The following SPOCK1 variants were observed in gnomAD, a reference collection of about 807,000 sequenced individuals.
The protein encoded by SPOCK1 is SPARC (osteonectin), cwcv and kazal like domains proteoglycan 1.
In SPOCK1, 23 loss-of-function variants were observed where a neutral mutation model predicts 55.3. The ratio of observed to expected loss-of-function variants is 0.42; its 90% CI spans 0.30 to 0.59. The LOEUF (loss-of-function observed/expected upper bound fraction) is 0.59. SPOCK1 is among the 20% of genes least tolerant of loss of function. The pLI is 0.22. For missense variants in SPOCK1, 499 were observed against 552.5 expected (o/e 0.90, Z 0.97); for synonymous variants, 226 against 221.0 (o/e 1.02, Z -0.20).
rs752471075 is a variant in SPOCK1, at chr5:136,978,769, C to T, written c.1205G>A (p.Arg402Gln). 3.7e-6 allele frequency: 6 copies of T among 1,614,054 alleles called. No individual in the cohort carries two copies. The highest frequency in any genetic ancestry group is 1.3e-5 in the African/African-American group (1 of 75,014). Reference protein sequence around the residue: ...VVLLDDLEYERELGPKDKEGK... With the variant: ...VVLLDDLEYEQELGPKDKEGK... ...CTCTTTGTCCTTTGGTCCCAGCTCCCGTTCATATTCTAGGTCATCCAGCAG... is the reference window on the plus strand; with the variant it reads ...CTCTTTGTCCTTTGGTCCCAGCTCCTGTTCATATTCTAGGTCATCCAGCAG... Residue 402 changes from arginine (R) to glutamine (Q), a missense_variant, in exon 11 of 11, where the codon CGG becomes CAG. Transcript: ENST00000394945.
rs372408686 is a variant in SPOCK1 at position 137,233,667 on chromosome 5, A to G, written c.232+33343T>C. On this transcript the variant is annotated intron_variant, in intron 3 of 10. Transcript: ENST00000394945. ...TTTCTTTGGAGTAATTATACATGAT[A>G]TTAACTTCAATTTTCACATATTCAT... Among the ~76,000 whole-genome samples, 13 of 140,864 alleles carry G rather than the reference A, an allele frequency of 9.2e-5. 1 individual carries two copies. The highest frequency in any genetic ancestry group is 3.6e-4 in the African/African-American group (13 of 36,088). 92.4% of individuals were successfully genotyped at this position (140,864 alleles called of 152,430 possible). A position where few individuals can be genotyped will look rare whatever the true frequency, so the allele number is the denominator to read the frequency against.
intron 3 of SPOCK1, among the ~76,000 whole-genome samples, chr5:137,261,116 A>T (rs1188070333): frequency 6.6e-6 from 1 of 152,130 alleles, no homozygotes; most frequent in Non-Finnish European, 1.5e-5. Flanking sequence ...ACAAATTCTT[A>T]AAAAAACTGA....
At chr5:137,213,142 G>C (rs866467273) in intron 3 of SPOCK1, among the ~76,000 whole-genome samples, 46 of 152,170 alleles carry the variant, frequency 3.0e-4, no homozygotes, top group African/African-American at 1.1e-3. Context: ...AGGGGGAAAA[G>C]AGTGGAGAAA....
chr5:137,089,969 T>A (rs1580745229), intron 5 of SPOCK1, among the ~76,000 whole-genome samples: 2 of 152,190 alleles, frequency 1.3e-5, no homozygotes, highest in East Asian at 3.9e-4. Context: ...GGCTACAGCA[T>A]TTCCCTCCTC....
At chr5:137,310,152 A>G (rs1203243162) in intron 2 of SPOCK1, among the ~76,000 whole-genome samples, 2 of 152,226 alleles carry the variant, frequency 1.3e-5, no homozygotes, top group Non-Finnish European at 1.5e-5. Context: ...CCAGTTCTGT[A>G]GAATGGAAAA....
chr5:137,191,538 C>T (rs1462968595), intron 3 of SPOCK1, among the ~76,000 whole-genome samples: 5 of 152,186 alleles, frequency 3.3e-5, no homozygotes, highest in Admixed American at 2.6e-4. Context: ...TCATCCAGTA[C>T]CTCAAAACCT....
intron 2 of SPOCK1, among the ~76,000 whole-genome samples, chr5:137,281,528 T>A (rs1003427406): frequency 6.6e-6 from 1 of 152,230 alleles, no homozygotes; most frequent in Non-Finnish European, 1.5e-5. Context: ...AAATGAAAGA[T>A]CTGAAATAAG....
At chr5:137,044,514 C>T (rs539421098) in intron 6 of SPOCK1, among the ~76,000 whole-genome samples, 1 of 152,178 alleles carries the variant, frequency 6.6e-6, no homozygotes, top group East Asian at 1.9e-4. Flanking sequence ...TTTTAAAAGG[C>T]GTATTTTTTT....
intron 5 of SPOCK1, among the ~76,000 whole-genome samples, chr5:137,079,545 C>T (rs867297313): frequency 6.7e-6 from 1 of 148,584 alleles, no homozygotes; most frequent in Non-Finnish European, 1.5e-5. Flanking sequence ...CCCCCCCCCC[C>T]GACTTAGTGA....
chr5:137,145,593 A>C (rs1342041417), intron 3 of SPOCK1, among the ~76,000 whole-genome samples: 4 of 152,214 alleles, frequency 2.6e-5, no homozygotes, highest in African/African-American at 9.7e-5. Context: ...TTCAATTAAT[A>C]TTTACAGAGT....
chr5:137,321,878 AAAAAAG>A, intron 2 of SPOCK1, among the ~76,000 whole-genome samples: 1 of 152,028 alleles, frequency 6.6e-6, no homozygotes, highest in Non-Finnish European at 1.5e-5. Flanking sequence ...AAAAAGAAAA[AAAAAAG>A]AAAAAGAAAA....
chr5:137,303,132 G>T (rs1208494396), intron 2 of SPOCK1, among the ~76,000 whole-genome samples: 1 of 152,098 alleles, frequency 6.6e-6, no homozygotes, highest in East Asian at 1.9e-4. Context: ...AAGGCTTTTT[G>T]TGCCTCTGGG....
At chr5:137,381,257 T>C (rs1466253024) in intron 2 of SPOCK1, among the ~76,000 whole-genome samples, 1 of 152,172 alleles carries the variant, frequency 6.6e-6, no homozygotes, top group African/African-American at 2.4e-5. Flanking sequence ...CCATGGCTGT[T>C]TCATGGGCTG....
chr5:137,421,146 A>G lies in SPOCK1; in HGVS notation c.186+77227T>C, dbSNP rs184962200. 2.2e-3 allele frequency among the ~76,000 whole-genome samples: 335 copies of G among 152,324 alleles called. 1 individual carries two copies. Among genetic ancestry groups the G allele is most frequent in the African/African-American group, 7.6e-3 (314 of 41,566 alleles). ...TAATCCTGAGTTCTAGTTTGATTGC[A>G]CTGTGGTCTGAGAGACAGTTTGTTA... On this transcript the variant is annotated intron_variant, in intron 2 of 10. Coordinates refer to ENST00000394945, the MANE Select transcript of SPOCK1 (RefSeq NM_004598.4).
chr5:137,251,861 A>G (rs1222944868), intron 3 of SPOCK1, among the ~76,000 whole-genome samples: 1 of 152,240 alleles, frequency 6.6e-6, no homozygotes, highest in Non-Finnish European at 1.5e-5. Flanking sequence ...ATATGCAAAT[A>G]CAAGCATTTG....
At chr5:137,085,482 TAG>T (rs1752946444) in intron 5 of SPOCK1, among the ~76,000 whole-genome samples, 1 of 152,180 alleles carries the variant, frequency 6.6e-6, no homozygotes, top group Admixed American at 6.5e-5. Flanking sequence ...CGGGGACTGA[TAG>T]AGAGGCCTGT....
Position 137,311,386 on chromosome 5 carries a change from G to C in SPOCK1, c.187-44331C>G, listed in dbSNP as rs140961760. On this transcript the variant is annotated intron_variant, in intron 2 of 10. Coordinates refer to ENST00000394945, the MANE Select transcript of SPOCK1 (RefSeq NM_004598.4). ...TAATGTTTGGTTTTCAATCTGGACC[G>C]CATATTAAAACCACCTGGGGAGTAT... Among the ~76,000 whole-genome samples the C allele has an allele frequency of 1.2e-3, 182 of 152,260 alleles. 2 individuals are homozygous for C. Among genetic ancestry groups the C allele is most frequent in the African/African-American group, 4.2e-3 (175 of 41,524 alleles).
intron 5 of SPOCK1, among the ~76,000 whole-genome samples, chr5:137,084,316 G>A (rs1239789117): frequency 6.6e-6 from 1 of 151,882 alleles, no homozygotes; most frequent in Non-Finnish European, 1.5e-5. Flanking sequence ...TGAGCAGCAG[G>A]ACACACCTCA....
chr5:137,196,059 G>A (rs1187655751), intron 3 of SPOCK1, among the ~76,000 whole-genome samples: 1 of 152,172 alleles, frequency 6.6e-6, no homozygotes, highest in Admixed American at 6.5e-5. Flanking sequence ...CCAGGGCAAT[G>A]CGAAATGCTG....
Sources: allele counts gnomAD v4.1 joint callset (sites outside exome capture counted in the v4.1 genomes callset), GRCh38; gene constraint gnomAD v4.1.1; transcripts MANE v1.5; gene names NCBI Gene and HGNC (gene_info 2026-07-23, HGNC 2026-07-21).